COL21A1: variants seen among roughly 807,000 people sequenced by gnomAD.
COL21A1 encodes the protein collagen type XXI alpha 1 chain.
A neutral mutation model predicts 137.9 loss-of-function variants in COL21A1; 149 were observed. The observed-to-expected ratio is 1.08, with a 90% CI of 0.95 to 1.24. COL21A1 has a LOEUF of 1.24. COL21A1 is among the 50% of genes most tolerant of loss of function. The pLI, the probability that COL21A1 is intolerant of heterozygous loss-of-function variation, is 0.00. For missense variants in COL21A1, 1,167 were observed against 1,158.4 expected (o/e 1.01, Z -0.11); for synonymous variants, 456 against 391.5 (o/e 1.16, Z -1.95).
At chr6:56,321,130 A>G (rs903807318) in intron 1 of COL21A1, among the ~76,000 whole-genome samples, 1 of 152,202 alleles carries the variant, frequency 6.6e-6, no homozygotes, top group Admixed American at 6.6e-5. Flanking sequence ...GATCTTCCTC[A>G]CAACATGTTT....
At chr6:56,169,292 G>A (rs891270910) in intron 5 of COL21A1, among the ~76,000 whole-genome samples, 10 of 151,994 alleles carry the variant, frequency 6.6e-5, no homozygotes, top group Middle Eastern at 3.4e-3. Flanking sequence ...CTACAGTTCT[G>A]TTAGGGGAGA....
Position 56,352,990 on chromosome 6 carries a change from G to A in COL21A1, c.-39+40981C>T, listed in dbSNP as rs530423546. On this transcript the variant is annotated intron_variant, in intron 1 of 28. Transcript: ENST00000370819. ...GGGGAAGTGGAGGTTGCAGTGAGCC[G>A]AAATCGACCACTGCACTCCATCCTG... is the stretch of plus-strand genomic sequence containing the variant. 1.2e-4 allele frequency among the ~76,000 whole-genome samples: 18 copies of A among 152,106 alleles called. No individual in the cohort carries two copies. In the South Asian group the frequency reaches 2.3e-3, roughly 19 times the overall value.
chr6:56,061,064 T>A, intron 25 of COL21A1, 27 bp from the exon 26 acceptor site: 2 of 1,561,944 alleles, frequency 1.3e-6, no homozygotes, highest in Non-Finnish European at 1.7e-6. Flanking sequence ...TCTTTACAAG[T>A]TCTATTTAAA....
At chr6:56,170,903 T>C (rs1776987814) in intron 4 of COL21A1, 38 bp from the exon 5 acceptor site, 3 of 1,597,792 alleles carry the variant, frequency 1.9e-6, no homozygotes, top group Admixed American at 1.7e-5. Context: ...TAAAGAATTC[T>C]TGACATGTCC....
chr6:56,070,528 G>A (rs1420204855), intron 21 of COL21A1, among the ~76,000 whole-genome samples: 4 of 151,498 alleles, frequency 2.6e-5, no homozygotes, highest in South Asian at 2.1e-4. Flanking sequence ...AAAAAATTAA[G>A]CCAAAGTTTA....
In COL21A1 at chr6:56,302,423, A is replaced by C. The variant is rs1455793241; in HGVS notation, c.-39+91548T>G. Reference sequence around the variant, plus strand: ...CTGACTTTTTAATGATCGCCATTCTAACTGGTGTGACATGGTATCTCATTG... The same window carrying C: ...CTGACTTTTTAATGATCGCCATTCTCACTGGTGTGACATGGTATCTCATTG... On this transcript the variant is annotated intron_variant, in intron 1 of 28. Coordinates refer to the COL21A1 transcript ENST00000370819. 3.9e-3 allele frequency among the ~76,000 whole-genome samples: 587 copies of C among 152,060 alleles called. 4 individuals carry two copies. Among genetic ancestry groups the C allele is most frequent in the African/African-American group, 0.013 (551 of 41,526 alleles).
chr6:56,283,507 T>G (rs1266914894), intron 1 of COL21A1, among the ~76,000 whole-genome samples: 1 of 152,140 alleles, frequency 6.6e-6, no homozygotes, highest in African/African-American at 2.4e-5. Flanking sequence ...TATGAATAAT[T>G]CTTATTCTCT....
chr6:56,296,957 C>G (rs1051653110), intron 1 of COL21A1, among the ~76,000 whole-genome samples: 1 of 152,004 alleles, frequency 6.6e-6, no homozygotes, highest in Non-Finnish European at 1.5e-5. Flanking sequence ...TAGGCTCAAC[C>G]TAGGCTATTA....
intron 1 of COL21A1, among the ~76,000 whole-genome samples, chr6:56,354,252 T>G (rs540660871): frequency 2.0e-5 from 3 of 152,308 alleles, no homozygotes; most frequent in African/African-American, 7.2e-5. Context: ...GCAAACAGTG[T>G]GTTGGTAATA....
rs147989591 is a variant in COL21A1 at position 56,185,108 on chromosome 6, A to G, written c.-38-2452T>C. ...ACAGAGAAATTTTAGCTTTAAAAGC[A>G]TATATTAAAAAAAAGAAACCAATAT... On this transcript the variant is annotated intron_variant, in intron 1 of 29. Coordinates refer to ENST00000244728, the MANE Select transcript of COL21A1 (RefSeq NM_030820.4). Among the ~76,000 whole-genome samples the G allele has an allele frequency of 1.8e-3, 281 of 152,170 alleles. 1 individual carries two copies. The highest frequency in any genetic ancestry group is 4.8e-3 in the East Asian group (25 of 5,186).
intron 12 of COL21A1, among the ~76,000 whole-genome samples, chr6:56,133,934 A>G (rs916851616): frequency 1.3e-5 from 2 of 152,210 alleles, no homozygotes; most frequent in African/African-American, 4.8e-5. Flanking sequence ...CCAGGCAGAA[A>G]TTTGCTGCAG....
chr6:56,316,477 C>CTTTTTTTTTTTTTTTTTTTTT (rs60388494), intron 1 of COL21A1, among the ~76,000 whole-genome samples: 2 of 75,786 alleles, frequency 2.6e-5, no homozygotes. Flanking sequence ...TCTAAATAGA[C>CTTTTTTTTTTTTTTTTTTTTT]TTTTTTTTTT....
Position 56,101,532 on chromosome 6 carries a change from A to G in COL21A1, c.1759-7T>C. The G allele has an allele frequency of 6.3e-7, 1 of 1,578,172 alleles. No individual in the cohort carries two copies. Among genetic ancestry groups the G allele is most frequent in the Non-Finnish European group, 8.6e-7 (1 of 1,160,024 alleles). On this transcript the variant is annotated splice_region_variant and splice_polypyrimidine_tract_variant and intron_variant, in intron 16 of 29. Transcript: ENST00000244728. ...CAGGGGATCCTGCTTCTCCCTTTTA[A>G]TGATTTGACAAAAAGAAATAGAGAA...
intron 1 of COL21A1, among the ~76,000 whole-genome samples, chr6:56,206,719 T>C (rs926493599): frequency 8.0e-6 from 1 of 125,698 alleles, no homozygotes; most frequent in Non-Finnish European, 1.6e-5. Flanking sequence ...TATATATATA[T>C]ATATATATAT....
At chr6:56,212,837 A>G (rs1780256578) in intron 1 of COL21A1, among the ~76,000 whole-genome samples, 1 of 152,102 alleles carries the variant, frequency 6.6e-6, no homozygotes, top group South Asian at 2.1e-4. Context: ...TTGGAGCATG[A>G]AAAAATGAAT....
At chr6:56,269,430 C>T (rs9370497) in intron 1 of COL21A1, among the ~76,000 whole-genome samples, 35,198 of 151,364 alleles carry the variant, frequency 0.23, 4,457 homozygotes, top group Non-Finnish European at 0.29. Flanking sequence ...CCGAGGCGGG[C>T]GGATCACGAG....
intron 12 of COL21A1, among the ~76,000 whole-genome samples, chr6:56,130,188 TATATATATATATATATATATATAA>T (rs1244379227): frequency 1.9e-3 from 27 of 13,980 alleles, no homozygotes; most frequent in South Asian, 9.2e-3. Flanking sequence ...TATATATATA[TATATATATATATATATATATATAA>T]AATTTCAAAT....
intron 1 of COL21A1, among the ~76,000 whole-genome samples, chr6:56,353,887 A>T (rs1459207211): frequency 6.6e-6 from 1 of 152,234 alleles, no homozygotes; most frequent in Admixed American, 6.5e-5. Flanking sequence ...AAACATGAGA[A>T]ATACAAGAGA....
Position 56,061,667 on chromosome 6 carries a change from A to G in COL21A1, c.2187T>C (p.His729=). ...AACATACCTCTCCTTTTGCACCATG[A>G]TGGCCTTGAATTCCCTTTGAAAATT... is the stretch of plus-strand genomic sequence containing the variant. ...GIPGQQGIQG[H]HGAKGERGEK... is the part of the protein sequence containing the mutation. Residue 729 remains histidine (H), a synonymous_variant, in exon 25 of 30, where the codon CAT becomes CAC. Transcript: ENST00000244728. The G allele has an allele frequency of 2.5e-6, 4 of 1,586,838 alleles. No individual in the cohort carries two copies. The highest frequency in any genetic ancestry group is 1.1e-5 in the South Asian group (1 of 88,086).
Sources: allele counts gnomAD v4.1 joint callset (sites outside exome capture counted in the v4.1 genomes callset), GRCh38; gene constraint gnomAD v4.1.1; transcripts MANE v1.5; gene names NCBI Gene and HGNC (gene_info 2026-07-23, HGNC 2026-07-21).